Variants in KMT2C observed in about 807,000 individuals in gnomAD.
KMT2C encodes histone-lysine N-methyltransferase 2C.
Under a neutral mutation model 507.9 loss-of-function variants are expected in KMT2C, and 88 were observed. That is an observed-to-expected ratio of 0.17 (90% CI 0.15 to 0.21). The LOEUF (loss-of-function observed/expected upper bound fraction) is 0.21. KMT2C is among the 10% of genes least tolerant of loss of function. The pLI, the probability that KMT2C is intolerant of heterozygous loss-of-function variation, is 1.00. For synonymous variants in KMT2C, 2,049 were observed against 2,080.8 expected, an observed-to-expected ratio of 0.98 and a Z score of 0.42; for missense variants, 4,954 against 5,957.8, an observed-to-expected ratio of 0.83 and a Z score of 5.55.
Position 152,138,872 on chromosome 7 carries a change from A to G in KMT2C, c.14567T>C (p.Val4856Ala). The G allele has an allele frequency of 1.2e-6, 2 of 1,613,798 alleles. No homozygotes were observed. Among genetic ancestry groups the G allele is most frequent in the Non-Finnish European group, 1.7e-6 (2 of 1,179,858 alleles). ...YINHSCAPNC[V>A]AEVVTFERGH... The stretch of plus-strand genomic sequence containing the variant: ...TCTCTCAAAAGTCACCACTTCAGCC[A>G]CACAATTAGGTGCACACGAATGGTT... Residue 4856 changes from valine to alanine, a missense_variant, in exon 58 of 59, where the codon GTG becomes GCG. This residue lies in a region of KMT2C where 133 missense variants were observed against 258.9 expected (regional missense o/e 0.51). Transcript: ENST00000262189. The surrounding 1 kb of genome is among the most constrained non-coding windows in gnomAD (Gnocchi z 4.2).
intron 1 of KMT2C, among the ~76,000 whole-genome samples, chr7:152,432,830 CAT>C (rs2097876178): frequency 1.3e-5 from 2 of 152,146 alleles, no homozygotes. Flanking sequence ...AAGATAAATA[CAT>C]AAATCCACTT....
intron 23 of KMT2C, among the ~76,000 whole-genome samples, chr7:152,210,879 T>C (rs1457517738): frequency 6.6e-6 from 1 of 151,884 alleles, no homozygotes; most frequent in African/African-American, 2.4e-5. Context: ...GAAGATAAAA[T>C]AAGGACATGA....
chr7:152,220,730 G>A lies in KMT2C; in HGVS notation c.3505C>T (p.Pro1169Ser), dbSNP rs1252632464. 1.2e-6 allele frequency: 2 copies of A among 1,604,314 alleles called. No homozygotes were observed. Among genetic ancestry groups the A allele is most frequent in the Non-Finnish European group, 1.7e-6 (2 of 1,173,044 alleles). The change falls in exon 23 of 59, where the codon CCC becomes TCC. Residue 1169 changes from proline to serine, a missense_variant. Transcript: ENST00000262189. The stretch of plus-strand genomic sequence containing the variant: ...ACACCATCCTGGGTATAAGTCTTGG[G>A]TGGGTCTAAAATTACAAAATCCCAA... ...IVTKVKELDP[P>S]KTYTQDGVCL...
chr7:152,401,735 A>G (rs1418873488), intron 1 of KMT2C, among the ~76,000 whole-genome samples: 1 of 152,272 alleles, frequency 6.6e-6, no homozygotes, highest in East Asian at 1.9e-4. Flanking sequence ...AGTACAATAC[A>G]GCGCATAACT....
Position 152,146,812 on chromosome 7 carries a change from C to G in KMT2C, c.13895-77G>C, listed in dbSNP as rs2091148539. The G allele has an allele frequency of 3.2e-6, 4 of 1,266,328 alleles. No homozygotes were observed. The Admixed American group carries it at 7.3e-5, about 23-fold the overall frequency. 78.4% of individuals were successfully genotyped at this position (1,266,328 alleles called of 1,614,324 possible). The stretch of plus-strand genomic sequence containing the variant: ...AAACAAGAGCAAAATGAAGAATAAC[C>G]ACTCACAAGGATTTACTAATTTCCA... On this transcript the variant is annotated intron_variant, in intron 52 of 58. Transcript: ENST00000262189.
intron 3 of KMT2C, among the ~76,000 whole-genome samples, chr7:152,322,865 G>A (rs2096784743): frequency 6.6e-6 from 1 of 151,996 alleles, no homozygotes; most frequent in South Asian, 2.1e-4. Flanking sequence ...GACCTGAACA[G>A]ACATTTCTCA....
chr7:152,420,266 C>CT (rs1324407724), intron 1 of KMT2C, among the ~76,000 whole-genome samples: 2 of 152,204 alleles, frequency 1.3e-5, no homozygotes, highest in Non-Finnish European at 2.9e-5. Flanking sequence ...CACCTATAAT[C>CT]TAACACCCAC....
Position 152,169,177 on chromosome 7 carries a change from T to C in KMT2C, c.9517+9A>G. On this transcript the variant is annotated intron_variant, in intron 41 of 58. Transcript: ENST00000262189. ...CCAGAAAACATTAACTTATTAGATT[T>C]ATACTTACTGACAAAGCCTGGACCA... The C allele has an allele frequency of 6.5e-7, 1 of 1,529,310 alleles. No homozygotes were observed. Among genetic ancestry groups the C allele is most frequent in the Non-Finnish European group, 9.1e-7 (1 of 1,102,698 alleles). 94.7% of individuals were successfully genotyped at this position (1,529,310 alleles called of 1,614,324 possible). A position where few individuals can be genotyped will look rare whatever the true frequency, so the allele number is the denominator to read the frequency against.
rs2093278075 is a variant in KMT2C, at chr7:152,178,013, T to TC, written c.7443-4_7443-3insG. 5 of 1,136,886 alleles carry TC rather than the reference T, an allele frequency of 4.4e-6. 1 individual carries two copies. In the East Asian group the frequency reaches 1.6e-4, roughly 36 times the overall value. 70.4% of individuals were successfully genotyped at this position (1,136,886 alleles called of 1,614,324 possible). A position where few individuals can be genotyped will look rare whatever the true frequency, so the allele number is the denominator to read the frequency against. ...GACTACCTCCTGGAAATCCAAATCT[T>TC]TTAAAAAAAAAAAAAAAAAAAAAAA... On this transcript the variant is annotated splice_polypyrimidine_tract_variant and splice_region_variant and intron_variant, in intron 37 of 58. Coordinates refer to ENST00000262189, the MANE Select transcript of KMT2C (RefSeq NM_170606.3).
rs556989811 is a variant in KMT2C, at chr7:152,366,961, T to A, written c.162-8286A>T. 1,094 of 527,360 alleles carry A rather than the reference T, an allele frequency of 2.1e-3. 3 individuals carry two copies. Among genetic ancestry groups the A allele is most frequent in the Non-Finnish European group, 3.0e-3 (887 of 297,206 alleles). The allele number at this position is 527,360 out of a possible 1,614,324, so 32.7% of individuals were successfully genotyped here. A position where few individuals can be genotyped will look rare whatever the true frequency, so the allele number is the denominator to read the frequency against. Reference sequence around the variant, plus strand: ...CACGATCGCAAGGTCGCGCAGAAGCTCCTCAATGGCCAGCGCCAGTTGCAG... The same window carrying A: ...CACGATCGCAAGGTCGCGCAGAAGCACCTCAATGGCCAGCGCCAGTTGCAG... On this transcript the variant is annotated intron_variant, in intron 1 of 58. Transcript: ENST00000262189.
At chr7:152,417,642 TTTGTTG>T (rs924224712) in intron 1 of KMT2C, among the ~76,000 whole-genome samples, 12 of 152,122 alleles carry the variant, frequency 7.9e-5, no homozygotes, top group East Asian at 1.9e-4. Context: ...AAAATGCTTT[TTTGTTG>T]TTGTTGTTGT....
chr7:152,234,706 G>A (rs1322797833), intron 16 of KMT2C, among the ~76,000 whole-genome samples: 4 of 152,070 alleles, frequency 2.6e-5, no homozygotes, highest in Non-Finnish European at 4.4e-5. Flanking sequence ...TTTGAGACCA[G>A]CCTGGACAAC....
chr7:152,174,414 C>T (rs1464351642), intron 38 of KMT2C, among the ~76,000 whole-genome samples, 172 bp from the exon 39 acceptor site: 3 of 152,158 alleles, frequency 2.0e-5, no homozygotes, highest in African/African-American at 2.4e-5. Context: ...TTAACTGAAT[C>T]ATGCTTTAAT....
At chr7:152,289,377 T>C (rs2096365918) in intron 6 of KMT2C, among the ~76,000 whole-genome samples, 1 of 152,244 alleles carries the variant, frequency 6.6e-6, no homozygotes, top group Non-Finnish European at 1.5e-5. Context: ...GTTTTAAGTC[T>C]TGATCCATGA....
chr7:152,266,643 T>C (rs546148395), intron 7 of KMT2C, among the ~76,000 whole-genome samples: 104 of 152,418 alleles, frequency 6.8e-4, no homozygotes, highest in African/African-American at 2.3e-3. Context: ...AGTAAAAATA[T>C]ATTTCTTTTA....
intron 1 of KMT2C, among the ~76,000 whole-genome samples, chr7:152,417,397 C>T (rs997317911): frequency 9.2e-5 from 14 of 152,136 alleles, no homozygotes; most frequent in African/African-American, 2.4e-5. Context: ...GAATTACAGG[C>T]ATGAGCCACT....
chr7:152,171,332 T>C lies in KMT2C; in HGVS notation c.9385A>G (p.Met3129Val), dbSNP rs777272841. The change falls in exon 40 of 59, where the codon ATG becomes GTG. Residue 3129 changes from methionine to valine, a missense_variant. Physicochemically the swap from Met to Val is conservative, Grantham distance 21. Coordinates refer to ENST00000262189, the MANE Select transcript of KMT2C (RefSeq NM_170606.3). ...PPMVMSRFPF[M>V]GQVVTGTQNS... ...TGTGTTCCAGTTACCACCTGGCCCATAAAAGGGAACCTGTCAAAACAGGGT... is the reference window on the plus strand; with the variant it reads ...TGTGTTCCAGTTACCACCTGGCCCACAAAAGGGAACCTGTCAAAACAGGGT... 3.7e-6 allele frequency: 6 copies of C among 1,603,718 alleles called. No homozygotes were observed. In the South Asian group the frequency reaches 6.7e-5, roughly 18 times the overall value.
intron 1 of KMT2C, among the ~76,000 whole-genome samples, chr7:152,361,075 T>A (rs2129233864): frequency 6.6e-6 from 1 of 152,108 alleles, no homozygotes; most frequent in African/African-American, 2.4e-5. Flanking sequence ...TTTGTTAATG[T>A]TACATAACAA....
chr7:152,296,294 C>T (rs1241460511), intron 6 of KMT2C, among the ~76,000 whole-genome samples: 2 of 151,202 alleles, frequency 1.3e-5, no homozygotes, highest in Non-Finnish European at 2.9e-5. Context: ...ATTAACCGGG[C>T]GTGGTGGTGG....
Sources: gnomAD v4.1 joint callset for allele counts (sites outside exome capture counted in the v4.1 genomes callset) on GRCh38, gnomAD v4.1.1 for gene constraint, gnomAD v4.1.1 regional missense constraint, Gnocchi (gnomAD v3.1) non-coding constraint, MANE v1.5 for transcripts, NCBI Gene and HGNC (gene_info 2026-07-23, HGNC 2026-07-21) for gene names.